RAP1GAP2: variants seen among roughly 807,000 people sequenced by gnomAD.
RAP1GAP2 encodes RAP1 GTPase activating protein 2.
Under a neutral mutation model 95.0 loss-of-function variants are expected in RAP1GAP2, and 27 were observed. The observed-to-expected ratio is 0.28, with a 90% CI of 0.21 to 0.39. The LOEUF (loss-of-function observed/expected upper bound fraction) is 0.39. Among genes scored for constraint, RAP1GAP2 ranks in the 10% least tolerant of loss-of-function variants. The probability of loss-of-function intolerance (pLI) is 1.00; values close to 1 mark genes in which losing one functional copy is unlikely to be tolerated. For synonymous variants in RAP1GAP2, 373 were observed against 380.9 expected, an observed-to-expected ratio of 0.98 and a Z score of 0.24; for missense variants, 771 against 970.0, an observed-to-expected ratio of 0.79 and a Z score of 2.72.
chr17:2,897,858 G>A (rs2041890689), intron 2 of RAP1GAP2, among the ~76,000 whole-genome samples: 1 of 151,780 alleles, frequency 6.6e-6, no homozygotes, highest in Admixed American at 6.6e-5. Flanking sequence ...GCTGCTCTCT[G>A]CATCCGTGAA....
chr17:2,925,386 C>T (rs145273531), intron 3 of RAP1GAP2, among the ~76,000 whole-genome samples: 3 of 152,184 alleles, frequency 2.0e-5, no homozygotes, highest in Non-Finnish European at 4.4e-5. Flanking sequence ...AGGAAACTTA[C>T]AATCATGAAG....
chr17:2,873,305 C>CAAAAAAA (rs377575894), intron 2 of RAP1GAP2, among the ~76,000 whole-genome samples: 1 of 95,566 alleles, frequency 1.0e-5, no homozygotes, highest in Non-Finnish European at 2.1e-5. Context: ...ACCAAAAATA[C>CAAAAAAA]AAAAAAAAAA....
At chr17:2,989,846 G>GA (rs34373041) in intron 11 of RAP1GAP2, among the ~76,000 whole-genome samples, 95,845 of 151,910 alleles carry the variant, frequency 0.63, 30,687 homozygotes, top group East Asian at 0.77. Flanking sequence ...ACTAACTCCA[G>GA]ACATTTTCAT....
At chr17:2,859,019 T>G (rs1328449231) in intron 2 of RAP1GAP2, among the ~76,000 whole-genome samples, 3 of 152,148 alleles carry the variant, frequency 2.0e-5, no homozygotes, top group Non-Finnish European at 4.4e-5. Context: ...AGTTGTCTCG[T>G]AAAAGTTTTC....
At chr17:2,918,432 CAAAAAAA>C (rs533808717) in intron 3 of RAP1GAP2, among the ~76,000 whole-genome samples, 22 of 65,414 alleles carry the variant, frequency 3.4e-4, no homozygotes, top group Non-Finnish European at 3.5e-4. Flanking sequence ...GACTCCATCT[CAAAAAAA>C]AAAAAAAAAA....
intron 2 of RAP1GAP2, among the ~76,000 whole-genome samples, chr17:2,802,701 C>T (rs2069355218): frequency 6.6e-6 from 1 of 151,470 alleles, no homozygotes; most frequent in African/African-American, 2.4e-5. Context: ...GAAATGCCGT[C>T]TCAAAAAAAA....
At position 2,970,131 on chromosome 17, in the gene RAP1GAP2, G is replaced by A. The variant is rs542779955; in HGVS notation, c.596+4488G>A. Among the ~76,000 whole-genome samples the A allele has an allele frequency of 6.3e-4, 96 of 151,706 alleles. 1 individual carries two copies. The highest frequency in any genetic ancestry group is 9.9e-4 in the Non-Finnish European group (67 of 67,902). On this transcript the variant is annotated intron_variant, in intron 8 of 24. Coordinates refer to ENST00000254695, the MANE Select transcript of RAP1GAP2 (RefSeq NM_015085.5). ...TCTACTAAAAATACAAAAATTAGCC[G>A]GGCGTGGTGACATGCACCTGTAACC...
At position 2,797,944 on chromosome 17, in the gene RAP1GAP2, G is replaced by A. The variant is rs528815797; in HGVS notation, c.44+1373G>A. Among the ~76,000 whole-genome samples the A allele has an allele frequency of 2.0e-5, 3 of 152,286 alleles. No individual in the cohort carries two copies. Among genetic ancestry groups the A allele is most frequent in the South Asian group, 2.1e-4 (1 of 4,826 alleles). Reference sequence around the variant, plus strand: ...GTGTGGAGCAGATGGAAGGCTGGTCGCCAGAAAGCTCCGGGTGCACAGGTC... The same window carrying A: ...GTGTGGAGCAGATGGAAGGCTGGTCACCAGAAAGCTCCGGGTGCACAGGTC... On this transcript the variant is annotated intron_variant, in intron 1 of 24. Coordinates refer to ENST00000254695, the MANE Select transcript of RAP1GAP2 (RefSeq NM_015085.5). The surrounding 1 kb of genome is among the most constrained non-coding windows in gnomAD (Gnocchi z 5.6).
intron 3 of RAP1GAP2, among the ~76,000 whole-genome samples, chr17:2,919,097 A>C (rs2042668188): frequency 6.6e-6 from 1 of 152,102 alleles, no homozygotes; most frequent in Non-Finnish European, 1.5e-5. Flanking sequence ...CTGTGGAATG[A>C]ATAAGGATTG....
intron 2 of RAP1GAP2, among the ~76,000 whole-genome samples, chr17:2,862,520 G>A (rs977258303): frequency 2.1e-5 from 3 of 144,998 alleles, no homozygotes; most frequent in Non-Finnish European, 4.6e-5. Context: ...GCACCCCCAC[G>A]CCCCCCAACT....
chr17:2,859,920 T>C (rs781734754), intron 2 of RAP1GAP2, among the ~76,000 whole-genome samples: 3 of 152,126 alleles, frequency 2.0e-5, no homozygotes, highest in Non-Finnish European at 4.4e-5. Flanking sequence ...TTGTTTTTTG[T>C]TGTTGATTGT....
At position 2,855,773 on chromosome 17, in the gene RAP1GAP2, C is replaced by T. The variant is rs2072107890; in HGVS notation, c.81-49511C>T. Among the ~76,000 whole-genome samples the T allele has an allele frequency of 1.3e-5, 2 of 152,114 alleles. No homozygotes were observed. Among genetic ancestry groups the T allele is most frequent in the Admixed American group, 1.3e-4 (2 of 15,266 alleles). On this transcript the variant is annotated intron_variant, in intron 2 of 24. Coordinates refer to ENST00000254695, the MANE Select transcript of RAP1GAP2 (RefSeq NM_015085.5). This position sits in a 1 kb window ranked among gnomAD's most constrained non-coding sequence, Gnocchi z 4.3. The stretch of plus-strand genomic sequence containing the variant: ...GACTACAAGTACCCACCACCACGCC[C>T]AGCTAATTTTTTGTATTTTAGTAGA...
chr17:2,941,934 C>T lies in RAP1GAP2; in HGVS notation c.166-15825C>T, dbSNP rs148336389. Among the ~76,000 whole-genome samples, 757 of 152,232 alleles carry T rather than the reference C, an allele frequency of 5.0e-3. 8 individuals are homozygous for T. Among genetic ancestry groups the T allele is most frequent in the African/African-American group, 0.016 (665 of 41,538 alleles). ...CTGACCTCAGGTGATCCACCTGCCT[C>T]GGCCTCCCAAAGTGCTGGGATGACA... On this transcript the variant is annotated intron_variant, in intron 3 of 24. Transcript: ENST00000254695.
At position 3,036,818 on chromosome 17, in the gene RAP1GAP2, C is replaced by T. The variant is rs1418171079; in HGVS notation, c.*3457C>T. 3 of 152,758 alleles carry T rather than the reference C, an allele frequency of 2.0e-5. No individual in the cohort carries two copies. The highest frequency in any genetic ancestry group is 3.9e-4 in the East Asian group (2 of 5,178). 9.5% of individuals were successfully genotyped at this position (152,758 alleles called of 1,614,324 possible). On this transcript the variant is annotated 3_prime_UTR_variant, in exon 25 of 25. Transcript: ENST00000254695. ...CTCCCGTGACAAGGCAGGACAAGAG[C>T]CTGTTTCGCTTTCCTCCCTGACCCT...
intron 2 of RAP1GAP2, chr17:2,853,947 G>A: frequency 1.0e-6 from 1 of 982,804 alleles, no homozygotes; most frequent in Non-Finnish European, 1.2e-6. Context: ...CGGAGCCGGG[G>A]CTGCGGGGAC....
intron 1 of RAP1GAP2, among the ~76,000 whole-genome samples, chr17:2,788,217 T>C (rs1292570656): frequency 6.6e-6 from 1 of 152,118 alleles, no homozygotes; most frequent in Non-Finnish European, 1.5e-5. Context: ...TATATACATA[T>C]GTATATAGGG....
intron 2 of RAP1GAP2, among the ~76,000 whole-genome samples, chr17:2,815,793 A>G (rs111699086): frequency 2.9e-4 from 44 of 152,282 alleles, no homozygotes; most frequent in African/African-American, 9.6e-4. Flanking sequence ...CATTTCCGAT[A>G]TTAACAACAG....
rs538714003 is a variant in RAP1GAP2, at chr17:2,837,707, C to T, written c.80+37157C>T. Among the ~76,000 whole-genome samples, 9 of 150,040 alleles carry T rather than the reference C, an allele frequency of 6.0e-5. 1 individual carries two copies. In the South Asian group the frequency reaches 1.3e-3, roughly 21 times the overall value. ...CTGCAAGCTCTGCCTCCCGGGTTCA[C>T]GCCATTCTTCTGCCTCAGCCTCCTG... On this transcript the variant is annotated intron_variant, in intron 2 of 24. Transcript: ENST00000254695.
chr17:2,802,623 A>G (rs988564972), intron 2 of RAP1GAP2, among the ~76,000 whole-genome samples: 1 of 152,110 alleles, frequency 6.6e-6, no homozygotes, highest in Non-Finnish European at 1.5e-5. Context: ...AGGCAGGAGA[A>G]TTGCTTGAAC....
Sources: gnomAD v4.1 joint callset for allele counts (sites outside exome capture counted in the v4.1 genomes callset) on GRCh38, gnomAD v4.1.1 for gene constraint, Gnocchi (gnomAD v3.1) non-coding constraint, MANE v1.5 for transcripts, NCBI Gene and HGNC (gene_info 2026-07-23, HGNC 2026-07-21) for gene names.